The following CCNB2 variants were observed in gnomAD, a reference collection of about 807,000 sequenced individuals.
CCNB2 encodes cyclin B2.
A neutral mutation model predicts 51.1 loss-of-function variants in CCNB2; 39 were observed. The observed-to-expected ratio is 0.76, with a 90% CI of 0.59 to 1.00. The LOEUF is 1.00. CCNB2 is among the 50% of genes least tolerant of loss of function. The probability of loss-of-function intolerance (pLI) is 0.00; values close to 1 mark genes in which losing one functional copy is unlikely to be tolerated. For synonymous variants in CCNB2, 174 were observed against 165.5 expected, an observed-to-expected ratio of 1.05 and a Z score of -0.40; for missense variants, 472 against 470.3, an observed-to-expected ratio of 1.00 and a Z score of -0.03.
intron 7 of CCNB2, among the ~76,000 whole-genome samples, chr15:59,120,054 G>T (rs1283681809): frequency 1.3e-5 from 2 of 152,062 alleles, no homozygotes. Flanking sequence ...TAGTCCTCAC[G>T]TAGGAAATAG....
chr15:59,107,397 G>A lies in CCNB2; in HGVS notation c.100G>A (p.Val34Ile). ...GAGTCATGTGACTATTAGGCGAACT[G>A]TTTTAGAAGAAATTGGAAATAGAGT... ...VKSHVTIRRT[V>I]LEEIGNRVTT... is the part of the protein sequence containing the mutation. The change falls in exon 2 of 9, where the codon GTT (valine) becomes ATT (isoleucine). Residue 34 changes from valine (V) to isoleucine (I), a missense_variant. Transcript: ENST00000288207. The A allele has an allele frequency of 1.2e-6, 2 of 1,613,006 alleles. No homozygotes were observed. The highest frequency in any genetic ancestry group is 1.7e-6 in the Non-Finnish European group (2 of 1,179,842).
intron 3 of CCNB2, among the ~76,000 whole-genome samples, chr15:59,111,836 A>G (rs1241515352): frequency 7.1e-6 from 1 of 140,806 alleles, no homozygotes; most frequent in South Asian, 2.3e-4. Flanking sequence ...ATTCTATTCT[A>G]TTCTTTTCTT....
intron 7 of CCNB2, among the ~76,000 whole-genome samples, chr15:59,118,084 G>T (rs374373508): frequency 6.6e-6 from 1 of 152,260 alleles, no homozygotes; most frequent in Non-Finnish European, 1.5e-5. Flanking sequence ...TAGATATTAC[G>T]TTAAGTGAAA....
chr15:59,120,420 T>C (rs1425114023), intron 7 of CCNB2, among the ~76,000 whole-genome samples: 1 of 151,648 alleles, frequency 6.6e-6, no homozygotes, highest in South Asian at 2.1e-4. Flanking sequence ...AGCCCAGGAG[T>C]TGGAGGCTGC....
chr15:59,119,868 G>A (rs777025412), intron 7 of CCNB2, among the ~76,000 whole-genome samples: 1 of 152,008 alleles, frequency 6.6e-6, no homozygotes, highest in Non-Finnish European at 1.5e-5. Context: ...CATCATGCCT[G>A]GCTAATTTTA....
intron 7 of CCNB2, among the ~76,000 whole-genome samples, chr15:59,121,777 C>G (rs1023318318): frequency 1.3e-5 from 2 of 151,530 alleles, no homozygotes; most frequent in East Asian, 3.9e-4. Context: ...ATTAAAAATA[C>G]AAAAATTAGC....
At chr15:59,116,362 C>T (rs1321189714) in intron 5 of CCNB2, among the ~76,000 whole-genome samples, 2 of 152,174 alleles carry the variant, frequency 1.3e-5, no homozygotes, top group African/African-American at 2.4e-5. Context: ...TTGGATTCTT[C>T]CCTTCTTGGC....
chr15:59,123,559 G>A lies in CCNB2; in HGVS notation c.1018G>A (p.Val340Ile). Residue 340 changes from valine to isoleucine, a missense_variant, in exon 8 of 9, where the codon GTA becomes ATA. Val to Ile is a conservative substitution (Grantham distance 29, BLOSUM62 3). Coordinates refer to ENST00000288207, the MANE Select transcript of CCNB2 (RefSeq NM_004701.4). ...QYYTGYTENEVLEVMQHMAKN... is the reference protein window; with the variant it reads ...QYYTGYTENEILEVMQHMAKN... ...TTACACAGGATACACAGAGAATGAA[G>A]TATTGGAAGTCATGCAGCACATGGC... The A allele has an allele frequency of 1.2e-6, 2 of 1,613,552 alleles. No homozygotes were observed. The highest frequency in any genetic ancestry group is 1.7e-6 in the Non-Finnish European group (2 of 1,179,548).
intron 3 of CCNB2, among the ~76,000 whole-genome samples, chr15:59,109,491 C>T (rs1037401258): frequency 2.0e-5 from 3 of 152,024 alleles, no homozygotes; most frequent in South Asian, 2.1e-4. Context: ...TACTATGCAG[C>T]CATAAATATC....
chr15:59,118,120 C>T (rs755047691), intron 7 of CCNB2, among the ~76,000 whole-genome samples: 4 of 152,206 alleles, frequency 2.6e-5, no homozygotes. Flanking sequence ...GCACACAAGA[C>T]AAAGGAAGGC....
intron 8 of CCNB2, 73 bp downstream of exon 8, chr15:59,123,700 G>GGC (rs2079313366): frequency 2.8e-6 from 2 of 726,780 alleles, no homozygotes; most frequent in African/African-American, 3.8e-5. Context: ...GGGCGGGGGG[G>GGC]GGCGGTGTGT....
chr15:59,119,433 C>G (rs28383549), intron 7 of CCNB2, among the ~76,000 whole-genome samples: 3,275 of 138,350 alleles, frequency 0.024, 74 homozygotes, highest in African/African-American at 0.049. Flanking sequence ...GCACTCCAAC[C>G]TGGGCAACAG....
chr15:59,123,731 A>G (rs750975), intron 8 of CCNB2, 104 bp downstream of exon 8: 14,286 of 649,910 alleles, frequency 0.022, 452 homozygotes, highest in African/African-American at 0.098. Flanking sequence ...AAATATATTA[A>G]TAACATGTGG....
chr15:59,124,706 C>G, intron 8 of CCNB2, 61 bp from the exon 9 acceptor site: 1 of 1,119,576 alleles, frequency 8.9e-7, no homozygotes, highest in Non-Finnish European at 1.4e-6. Flanking sequence ...GTGAGTTAGA[C>G]TAGGAATAAG....
intron 3 of CCNB2, 91 bp downstream of exon 3, chr15:59,107,761 A>G: frequency 1.1e-6 from 1 of 886,868 alleles, no homozygotes; most frequent in Non-Finnish European, 1.8e-6. Flanking sequence ...TGTACCTTCT[A>G]ACGAACATTC....
chr15:59,113,266 G>C (rs2079265351), intron 3 of CCNB2, among the ~76,000 whole-genome samples: 1 of 152,076 alleles, frequency 6.6e-6, no homozygotes, highest in Non-Finnish European at 1.5e-5. Context: ...TTTCAATTTA[G>C]AATAAATTAG....
chr15:59,109,486 T>C (rs12907957), intron 3 of CCNB2, among the ~76,000 whole-genome samples: 50,066 of 152,106 alleles, frequency 0.33, 8,288 homozygotes, highest in East Asian at 0.42. Flanking sequence ...GGAAATACTA[T>C]GCAGCCATAA....
At chr15:59,112,262 CTG>C (rs1273521705) in intron 3 of CCNB2, among the ~76,000 whole-genome samples, 13 of 152,166 alleles carry the variant, frequency 8.5e-5, no homozygotes, top group Middle Eastern at 3.4e-3. Flanking sequence ...ATGTTTTAAA[CTG>C]TTTTTTTGTT....
chr15:59,111,193 C>G (rs1373407252), intron 3 of CCNB2, among the ~76,000 whole-genome samples: 1 of 152,166 alleles, frequency 6.6e-6, no homozygotes, highest in Non-Finnish European at 1.5e-5. Context: ...ATCCTAGTGG[C>G]TTTTGTTGTT....
Sources: allele counts gnomAD v4.1 joint callset (sites outside exome capture counted in the v4.1 genomes callset), GRCh38; gene constraint gnomAD v4.1.1; transcripts MANE v1.5; gene names NCBI Gene and HGNC (gene_info 2026-07-23, HGNC 2026-07-21).